DYSF: variants seen among roughly 807,000 people sequenced by gnomAD.
DYSF encodes the protein dystrophy-associated fer-1-like 1.
Under a neutral mutation model 274.9 loss-of-function variants are expected in DYSF, and 212 were observed. The observed-to-expected ratio is 0.77, with a 90% CI of 0.69 to 0.86. The LOEUF is 0.86. Ranked by LOEUF, DYSF falls within the 40% of genes least tolerant of loss-of-function variation. The pLI is 0.00. For missense variants in DYSF, 2,666 were observed against 2,783.2 expected, an observed-to-expected ratio of 0.96 and a Z score of 0.95; for synonymous variants, 1,091 against 1,078.7, an observed-to-expected ratio of 1.01 and a Z score of -0.22.
intron 19 of DYSF, among the ~76,000 whole-genome samples, chr2:71,552,373 A>C (rs1397081232): frequency 6.6e-6 from 1 of 152,212 alleles, no homozygotes; most frequent in East Asian, 1.9e-4. Context: ...TAAGGAAATT[A>C]ATACACATAT....
intron 41 of DYSF, 151 bp from the exon 42 acceptor site, chr2:71,643,814 G>A (rs778824760): frequency 3.5e-5 from 25 of 710,528 alleles, no homozygotes; most frequent in Middle Eastern, 3.4e-4. Context: ...CAGGAGAGGC[G>A]GAGGTTTCCT....
In DYSF at chr2:71,612,788, T is replaced by C; in HGVS notation, c.4369T>C (p.Ser1457Pro). Residue 1457 changes from serine (S) to proline (P), a missense_variant, in exon 39 of 56, where the codon TCC becomes CCC. Ser to Pro is a moderately conservative substitution (Grantham distance 74). Around this residue, in one of 3 missense-constraint regions of DYSF, gnomAD observed 1,460 missense variants for 1,502.1 expected, o/e 0.97. Coordinates refer to ENST00000410020, the MANE Select transcript of DYSF (RefSeq NM_001130987.2). ...LCDPYSAESP[S>P]PQGGPDDVSL... ...TGACCCCTACTCGGCGGAGAGTCCA[T>C]CCCCACAGGGTGGCCCAGGTAGGGG... 1 of 1,613,408 alleles carries C rather than the reference T, an allele frequency of 6.2e-7. No individual in the cohort carries two copies. The highest frequency in any genetic ancestry group is 8.5e-7 in the Non-Finnish European group (1 of 1,179,534).
chr2:71,648,959 G>T (rs1015180095), intron 42 of DYSF, among the ~76,000 whole-genome samples: 1 of 151,992 alleles, frequency 6.6e-6, no homozygotes, highest in Non-Finnish European at 1.5e-5. Context: ...TTCAGGAACT[G>T]GAGTAATGTG....
intron 20 of DYSF, 55 bp from the exon 21 acceptor site, chr2:71,553,752 A>AAACACCCCCCCCC: frequency 1.1e-5 from 3 of 267,804 alleles, no homozygotes; most frequent in African/African-American, 4.3e-5. Flanking sequence ...TTAGCACCCC[A>AAACACCCCCCCCC]TCCCACCCGC....
At chr2:71,484,116 G>T (rs1193079525) in intron 3 of DYSF, among the ~76,000 whole-genome samples, 1 of 133,672 alleles carries the variant, frequency 7.5e-6, no homozygotes, top group East Asian at 2.3e-4. Flanking sequence ...GCAGTGGTGC[G>T]ATCTCTGCTC....
intron 36 of DYSF, among the ~76,000 whole-genome samples, chr2:71,609,021 C>T (rs569732643): frequency 2.0e-5 from 3 of 151,826 alleles, no homozygotes; most frequent in African/African-American, 7.3e-5. Context: ...CATGAACAGA[C>T]CACAAGCAGG....
intron 41 of DYSF, among the ~76,000 whole-genome samples, chr2:71,638,022 C>T (rs558334003): frequency 6.6e-6 from 1 of 151,690 alleles, no homozygotes; most frequent in Non-Finnish European, 1.5e-5. Context: ...TCACCTGGAA[C>T]TTTGAAGGAA....
At chr2:71,567,230 AAAGCAGTTG>A (rs779821430) in intron 24 of DYSF, among the ~76,000 whole-genome samples, 3 of 152,220 alleles carry the variant, frequency 2.0e-5, no homozygotes, top group Non-Finnish European at 4.4e-5. Flanking sequence ...TTCAGGAAAA[AAAGCAGTTG>A]AAGACCAGTG....
At chr2:71,595,179 A>G (rs1250391695) in intron 32 of DYSF, among the ~76,000 whole-genome samples, 2 of 152,272 alleles carry the variant, frequency 1.3e-5, no homozygotes, top group Non-Finnish European at 2.9e-5. Flanking sequence ...TGCTTCCAGC[A>G]ATAAAGGAGA....
intron 10 of DYSF, 49 bp downstream of exon 10, chr2:71,517,088 T>C (rs1302490823): frequency 8.3e-6 from 13 of 1,564,640 alleles, no homozygotes; most frequent in African/African-American, 1.4e-5. Flanking sequence ...TTCTCCGTGT[T>C]GGTGGAGCCT....
At chr2:71,528,166 G>A (rs1215162571) in intron 13 of DYSF, 132 bp from the exon 14 acceptor site, 1 of 788,178 alleles carries the variant, frequency 1.3e-6, no homozygotes, top group Non-Finnish European at 2.2e-6. Flanking sequence ...CCCCTGGGCT[G>A]AGTCCCTGTG....
intron 29 of DYSF, among the ~76,000 whole-genome samples, chr2:71,571,424 GTCAGCACACACAGATCACACCCAGCA>G (rs2092437071): frequency 2.1e-5 from 1 of 47,586 alleles, no homozygotes; most frequent in South Asian, 7.5e-4. Flanking sequence ...ACAGATCACA[GTCAGCACACACAGATCACACCCAGCA>G]CACACACAGA....
rs2152955749 is a variant in DYSF at position 71,668,960 on chromosome 2, G to C, written c.5546+118G>C. 1.5e-5 allele frequency: 20 copies of C among 1,339,140 alleles called. No homozygotes were observed. The South Asian group carries it at 2.5e-4, about 17-fold the overall frequency. The allele number at this position is 1,339,140 out of a possible 1,614,324, so 83.0% of individuals were successfully genotyped here. ...CGGGCTTCAGGCTATTTGGGCCATGGAATACAGTTCTCGTTTGGGCCTGGG... is the reference window on the plus strand; with the variant it reads ...CGGGCTTCAGGCTATTTGGGCCATGCAATACAGTTCTCGTTTGGGCCTGGG... On this transcript the variant is annotated intron_variant, in intron 49 of 55. Transcript: ENST00000410020.
intron 4 of DYSF, 146 bp from the exon 5 acceptor site, chr2:71,511,661 G>C: frequency 1.4e-6 from 1 of 697,036 alleles, no homozygotes; most frequent in South Asian, 1.5e-5. Context: ...GGTCCCTTGG[G>C]GTGGCTTTGC....
rs2081659417 is a variant in DYSF, at chr2:71,467,960, A to T, written c.91+1027A>T. Among the ~76,000 whole-genome samples, 4 of 152,232 alleles carry T rather than the reference A, an allele frequency of 2.6e-5. No individual in the cohort carries two copies. The South Asian group carries it at 8.3e-4, about 31-fold the overall frequency. On this transcript the variant is annotated intron_variant, in intron 1 of 55. Transcript: ENST00000410020. ...AATCATATCTCCAAGCACCCCCAAG[A>T]TAATGATAGATGAAAGACATGATTT...
intron 1 of DYSF, among the ~76,000 whole-genome samples, chr2:71,475,305 G>A (rs1389482733): frequency 1.3e-5 from 2 of 151,662 alleles, no homozygotes; most frequent in African/African-American, 2.4e-5. Flanking sequence ...AGTCAACGTG[G>A]AAAGAAAAGG....
At chr2:71,536,752 T>C (rs1275429970) in intron 16 of DYSF, among the ~76,000 whole-genome samples, 1 of 152,162 alleles carries the variant, frequency 6.6e-6, no homozygotes, top group Admixed American at 6.5e-5. Flanking sequence ...TGCTGTATTT[T>C]CCAAAAGCAA....
Position 71,564,132 on chromosome 2 carries a change from C to T in DYSF, c.2484C>T (p.Pro828=), listed in dbSNP as rs143667543. Residue 828 remains proline, a synonymous_variant, in exon 24 of 56, where the codon CCC becomes CCT. Coordinates refer to ENST00000410020, the MANE Select transcript of DYSF (RefSeq NM_001130987.2). ...AGCGTGTGGCATACCAGCGGGTGCCCGCCCACCAAGTCCTCTTCTCCCGGC... is the reference window on the plus strand; with the variant it reads ...AGCGTGTGGCATACCAGCGGGTGCCTGCCCACCAAGTCCTCTTCTCCCGGC... ...GDKRVAYQRV[P]AHQVLFSRRG... 168 of 1,614,152 alleles carry T rather than the reference C, an allele frequency of 1.0e-4. 1 individual carries two copies. Among genetic ancestry groups the T allele is most frequent in the Non-Finnish European group, 9.7e-5 (115 of 1,180,056 alleles).
chr2:71,532,702 G>A (rs914579109), intron 14 of DYSF, among the ~76,000 whole-genome samples: 6 of 152,136 alleles, frequency 3.9e-5, no homozygotes, highest in South Asian at 4.1e-4. Context: ...TGTGTGTTGG[G>A]GCAGCCTGTG....
Sources: gnomAD v4.1 joint callset for allele counts (sites outside exome capture counted in the v4.1 genomes callset) on GRCh38, gnomAD v4.1.1 for gene constraint, gnomAD v4.1.1 regional missense constraint, MANE v1.5 for transcripts, NCBI Gene and HGNC (gene_info 2026-07-23, HGNC 2026-07-21) for gene names.